Variants in PARK7 observed in about 807,000 individuals in gnomAD.
PARK7 encodes the protein Parkinson disease protein 7.
Under a neutral mutation model 20.5 loss-of-function variants are expected in PARK7, and 14 were observed. That is an observed-to-expected ratio of 0.68 (90% CI 0.45 to 1.07). The LOEUF (loss-of-function observed/expected upper bound fraction) is 1.07, where lower values mean the gene tolerates loss of function less well. PARK7 is among the 50% of genes least tolerant of loss of function. The probability of loss-of-function intolerance (pLI) is 0.00; values close to 1 mark genes in which losing one functional copy is unlikely to be tolerated. For missense variants in PARK7, 234 were observed against 238.1 expected, an observed-to-expected ratio of 0.98 and a Z score of 0.11; for synonymous variants, 98 against 84.3, an observed-to-expected ratio of 1.16 and a Z score of -0.89.
At chr1:7,979,741 A>G (rs1260793354) in intron 6 of PARK7, among the ~76,000 whole-genome samples, 1 of 152,130 alleles carries the variant, frequency 6.6e-6, no homozygotes. Context: ...GCCTCAAGCG[A>G]TCCTTCTGGC....
intron 3 of PARK7, among the ~76,000 whole-genome samples, chr1:7,966,867 A>G (rs1317177099): frequency 6.6e-6 from 1 of 152,202 alleles, no homozygotes; most frequent in African/African-American, 2.4e-5. Flanking sequence ...CATAATATAT[A>G]GTGATCGGAT....
chr1:7,984,985 A>C lies in PARK7; in HGVS notation c.501A>C (p.Ala167=). The C allele has an allele frequency of 5.6e-6, 9 of 1,614,160 alleles. No individual in the cohort carries two copies. Among genetic ancestry groups the C allele is most frequent in the Non-Finnish European group, 7.6e-6 (9 of 1,180,042 alleles). Residue 167 remains alanine, a synonymous_variant, in exon 7 of 7, where the codon GCA becomes GCC. Coordinates refer to ENST00000338639, the MANE Select transcript of PARK7 (RefSeq NM_007262.5). This position sits in a 1 kb window ranked among gnomAD's most constrained non-coding sequence, Gnocchi z 4.3. ...GPGTSFEFAL[A]IVEALNGKEV... is the part of the protein sequence containing the mutation. ...GGACCAGCTTCGAGTTTGCGCTTGC[A>C]ATTGTTGAAGCCCTGAATGGCAAGG...
intron 4 of PARK7, among the ~76,000 whole-genome samples, chr1:7,970,144 G>A (rs1557444990): frequency 6.6e-6 from 1 of 152,130 alleles, no homozygotes; most frequent in African/African-American, 2.4e-5. Context: ...GCAGTGAGCT[G>A]TGAATGCACC....
intron 1 of PARK7, chr1:7,962,035 G>T (rs955543160): frequency 2.6e-5 from 4 of 152,266 alleles, no homozygotes; most frequent in Non-Finnish European, 5.9e-5. Flanking sequence ...CCTCTCGCCG[G>T]CATGGAACTG....
Position 7,969,392 on chromosome 1 carries a change from G to GA in PARK7, c.242dup (p.Asn81LysfsTer4), listed in dbSNP as rs1640403698. The stretch of plus-strand genomic sequence containing the variant: ...TACCAGGAGGTAATCTGGGCGCACA[G>GA]AATTTATCTGAGGTAAAAAATTCTA... On this transcript the variant is annotated frameshift_variant, in exon 4 of 7. Transcript: ENST00000338639. LOFTEE classifies it high-confidence loss of function. 3 of 1,532,182 alleles carry GA rather than the reference G, an allele frequency of 2.0e-6. No individual in the cohort carries two copies. In the East Asian group the frequency reaches 7.1e-5, roughly 36 times the overall value. The allele number at this position is 1,532,182 out of a possible 1,614,324, so 94.9% of individuals were successfully genotyped here. A position where few individuals can be genotyped will look rare whatever the true frequency, so the allele number is the denominator to read the frequency against.
intron 2 of PARK7, among the ~76,000 whole-genome samples, 191 bp from the exon 3 acceptor site, chr1:7,965,133 T>C (rs568497306): frequency 6.6e-6 from 1 of 152,148 alleles, no homozygotes; most frequent in Non-Finnish European, 1.5e-5. Flanking sequence ...TCCCAGCTAC[T>C]TGGGAGGCTG....
At chr1:7,970,176 C>G (rs1640434125) in intron 4 of PARK7, among the ~76,000 whole-genome samples, 1 of 151,294 alleles carries the variant, frequency 6.6e-6, no homozygotes, top group Admixed American at 6.6e-5. Context: ...GCCTGGGCAA[C>G]AAAGCAAGAA....
intron 5 of PARK7, chr1:7,971,219 A>G (rs1007785838): frequency 1.3e-5 from 7 of 524,006 alleles, no homozygotes; most frequent in Non-Finnish European, 2.1e-5. Flanking sequence ...CTCGGAGGAA[A>G]ATAAGGCCCT....
In PARK7 at chr1:7,965,412, A is replaced by T; in HGVS notation, c.179A>T (p.Asp60Val). The part of the protein sequence containing the change: ...VVICPDASLE[D>V]AKKEGPYDVV... ...ATTTGTCCTGATGCCAGCCTTGAAGATGCAAAAAAAGAGGTTTGTAATCCA... is the reference window on the plus strand; with the variant it reads ...ATTTGTCCTGATGCCAGCCTTGAAGTTGCAAAAAAAGAGGTTTGTAATCCA... The change falls in exon 3 of 7, where the codon GAT (aspartate) becomes GTT (valine). Residue 60 changes from aspartate (D) to valine (V), a missense_variant. Coordinates refer to ENST00000338639, the MANE Select transcript of PARK7 (RefSeq NM_007262.5). 27 of 1,614,178 alleles carry T rather than the reference A, an allele frequency of 1.7e-5. No homozygotes were observed. Among genetic ancestry groups the T allele is most frequent in the Non-Finnish European group, 2.2e-5 (26 of 1,180,000 alleles).
At chr1:7,982,760 G>A (rs1175272360) in intron 6 of PARK7, 3 of 152,240 alleles carry the variant, frequency 2.0e-5, no homozygotes, top group African/African-American at 7.2e-5. Context: ...AATGAGGCCA[G>A]ATTATGATAA....
rs1299077239 is a variant in PARK7 at position 7,965,555 on chromosome 1, A to G, written c.192+130A>G. On this transcript the variant is annotated intron_variant, in intron 3 of 6. Transcript: ENST00000338639. ...TTGAATGTCTTCCCCTGACAGATTA[A>G]GAGGGTGAGGACTTTGTCTTTCTAT... is the stretch of plus-strand genomic sequence containing the variant. 4 of 790,938 alleles carry G rather than the reference A, an allele frequency of 5.1e-6. No individual in the cohort carries two copies. In the African/African-American group the frequency reaches 6.8e-5, roughly 13 times the overall value. The allele number at this position is 790,938 out of a possible 1,614,324, so 49.0% of individuals were successfully genotyped here.
At chr1:7,962,473 G>A (rs1025646012) in intron 1 of PARK7, among the ~76,000 whole-genome samples, 1 of 152,100 alleles carries the variant, frequency 6.6e-6, no homozygotes, top group African/African-American at 2.4e-5. Flanking sequence ...AAACCCATTT[G>A]CAACATACTA....
At chr1:7,971,265 C>G (rs963888495) in intron 5 of PARK7, 2 of 432,178 alleles carry the variant, frequency 4.6e-6, no homozygotes, top group Admixed American at 7.1e-5. Flanking sequence ...CAGCAAGTCT[C>G]TGTGCCAGAA....
At chr1:7,977,580 A>C (rs1640611257) in intron 5 of PARK7, 72 bp from the exon 6 acceptor site, 1 of 1,341,178 alleles carries the variant, frequency 7.5e-7, no homozygotes. Flanking sequence ...CCACTGTGCC[A>C]GGCACTATTG....
rs977132793 is a variant in PARK7, at chr1:7,965,520, A to T, written c.192+95A>T. 4 of 1,147,938 alleles carry T rather than the reference A, an allele frequency of 3.5e-6. No individual in the cohort carries two copies. The African/African-American group carries it at 6.1e-5, about 17-fold the overall frequency. 71.1% of individuals were successfully genotyped at this position (1,147,938 alleles called of 1,614,324 possible). A position where few individuals can be genotyped will look rare whatever the true frequency, so the allele number is the denominator to read the frequency against. ...TGTTAGCACAGACTCATTTTAGAAA[A>T]TTATTTTGCTTGAATGTCTTCCCCT... On this transcript the variant is annotated intron_variant, in intron 3 of 6. Coordinates refer to ENST00000338639, the MANE Select transcript of PARK7 (RefSeq NM_007262.5).
intron 6 of PARK7, among the ~76,000 whole-genome samples, chr1:7,983,993 A>C (rs1174392142): frequency 6.6e-6 from 1 of 152,188 alleles, no homozygotes; most frequent in African/African-American, 2.4e-5. Flanking sequence ...AGTAAATAGA[A>C]TGCGGTGATA....
intron 5 of PARK7, among the ~76,000 whole-genome samples, chr1:7,973,703 A>C (rs1296462919): frequency 6.6e-6 from 1 of 150,940 alleles, no homozygotes; most frequent in Non-Finnish European, 1.5e-5. Context: ...AACAAGAGTG[A>C]AACTCCGTCT....
chr1:7,977,985 C>CTTTTT lies in PARK7; in HGVS notation c.409+272_409+276dup, dbSNP rs34231723. 2.1e-3 allele frequency among the ~76,000 whole-genome samples: 115 copies of CTTTTT among 53,576 alleles called. 38 individuals carry two copies. In the East Asian group the frequency reaches 0.065, roughly 30 times the overall value. 35.1% of individuals were successfully genotyped at this position (53,576 alleles called of 152,430 possible). On this transcript the variant is annotated intron_variant, in intron 6 of 6. Coordinates refer to ENST00000338639, the MANE Select transcript of PARK7 (RefSeq NM_007262.5). ...ATGTTGGTCAGGCTGGTCTCAAACTCTTTTTTTTTTTTTTTTTTTTTTTTT... is the reference window on the plus strand; with the variant it reads ...ATGTTGGTCAGGCTGGTCTCAAACTCTTTTTTTTTTTTTTTTTTTTTTTTTTTTTT...
intron 2 of PARK7, among the ~76,000 whole-genome samples, chr1:7,963,177 C>T (rs192984900): frequency 1.3e-5 from 2 of 152,214 alleles, no homozygotes; most frequent in South Asian, 2.1e-4. Context: ...CATCTTCCCA[C>T]CTCAGCCTCC....
Sources: allele counts gnomAD v4.1 joint callset (sites outside exome capture counted in the v4.1 genomes callset), GRCh38; gene constraint gnomAD v4.1.1; non-coding constraint Gnocchi (gnomAD v3.1); transcripts MANE v1.5; gene names NCBI Gene and HGNC (gene_info 2026-07-23, HGNC 2026-07-21).